Variants in RXFP1 observed in about 807,000 individuals in gnomAD.
RXFP1 encodes relaxin receptor 1.
A neutral mutation model predicts 89.8 loss-of-function variants in RXFP1; 73 were observed. The ratio of observed to expected loss-of-function variants is 0.81; its 90% confidence interval spans 0.67 to 0.99. RXFP1 has a LOEUF of 0.99. Among genes scored for constraint, RXFP1 ranks in the 50% least tolerant of loss-of-function variants. RXFP1 has a pLI of 0.00. For missense variants in RXFP1, 793 were observed against 895.5 expected (o/e 0.89, Z 1.46); for synonymous variants, 277 against 305.5 (o/e 0.91, Z 0.97).
chr4:158,629,174 C>T (rs1180883329), intron 11 of RXFP1, among the ~76,000 whole-genome samples: 1 of 151,972 alleles, frequency 6.6e-6, no homozygotes, highest in Non-Finnish European at 1.5e-5. Context: ...CCTCAGCCTC[C>T]TGAGTAGCTG....
chr4:158,522,039 G>A lies in RXFP1; in HGVS notation c.49+14G>A, dbSNP rs1275131231. 5 of 1,506,784 alleles carry A rather than the reference G, an allele frequency of 3.3e-6. No homozygotes were observed. The highest frequency in any genetic ancestry group is 3.7e-6 in the Non-Finnish European group (4 of 1,084,670). The allele number at this position is 1,506,784 out of a possible 1,614,324, so 93.3% of individuals were successfully genotyped here. A position where few individuals can be genotyped will look rare whatever the true frequency, so the allele number is the denominator to read the frequency against. On this transcript the variant is annotated intron_variant, in intron 1 of 17. Transcript: ENST00000307765. ...TTGGAAAATATTGTAAGTATGCTCA[G>A]TATCTAATTTTGTATACCTTAGTAT...
intron 12 of RXFP1, among the ~76,000 whole-genome samples, chr4:158,635,741 T>G (rs1402983554): frequency 6.6e-6 from 1 of 152,194 alleles, no homozygotes; most frequent in Non-Finnish European, 1.5e-5. Flanking sequence ...TCATTGTCAT[T>G]CTTTCTCTCT....
intron 1 of RXFP1, among the ~76,000 whole-genome samples, chr4:158,546,749 G>A (rs1235138882): frequency 6.6e-5 from 10 of 152,136 alleles, no homozygotes; most frequent in South Asian, 2.1e-4. Flanking sequence ...GCTGGATTAC[G>A]TTTATTGATT....
Position 158,599,363 on chromosome 4 carries a change from T to A in RXFP1, c.324T>A (p.Gly108=). The change falls in exon 4 of 18, where the codon GGT becomes GGA. Residue 108 remains glycine (G), a synonymous_variant. Transcript: ENST00000307765. The stretch of plus-strand genomic sequence containing the variant: ...TGCCAGTGCAATGTCTTTGCCAAGG[T>A]CTGGAGCTTGACTGTGATGAAACCA... ...GSVPVQCLCQ[G]LELDCDETNL... 6.2e-7 allele frequency: 1 copy of A among 1,613,968 alleles called. No homozygotes were observed. The highest frequency in any genetic ancestry group is 2.2e-5 in the East Asian group (1 of 44,868).
chr4:158,650,908 A>G (rs569989345), intron 17 of RXFP1, among the ~76,000 whole-genome samples: 28 of 152,314 alleles, frequency 1.8e-4, no homozygotes, highest in African/African-American at 5.1e-4. Context: ...CAGGAGATTG[A>G]AACCAACCTG....
At chr4:158,573,547 T>G (rs923947998) in intron 2 of RXFP1, among the ~76,000 whole-genome samples, 1 of 152,296 alleles carries the variant, frequency 6.6e-6, no homozygotes, top group Non-Finnish European at 1.5e-5. Flanking sequence ...GTATTTTATG[T>G]GTGGCCCAAG....
chr4:158,623,340 T>TAA (rs1484119778), intron 9 of RXFP1, among the ~76,000 whole-genome samples: 1,149 of 74,006 alleles, frequency 0.016, 16 homozygotes, highest in African/African-American at 0.087. Context: ...CTCTACTAAA[T>TAA]ACAAAAAAAA....
intron 2 of RXFP1, among the ~76,000 whole-genome samples, chr4:158,580,675 C>T (rs1239270406): frequency 2.0e-5 from 3 of 152,178 alleles, no homozygotes; most frequent in Non-Finnish European, 4.4e-5. Flanking sequence ...TTTGCCTTCC[C>T]TCCCCACTGC....
At chr4:158,562,332 G>A (rs1004200014) in intron 1 of RXFP1, among the ~76,000 whole-genome samples, 5 of 151,308 alleles carry the variant, frequency 3.3e-5, no homozygotes, top group East Asian at 3.9e-4. Context: ...AGACCATCCC[G>A]GCTAAAACGG....
chr4:158,602,759 AT>A (rs113309020), intron 4 of RXFP1, among the ~76,000 whole-genome samples: 55 of 147,804 alleles, frequency 3.7e-4, no homozygotes, highest in Middle Eastern at 3.5e-3. Flanking sequence ...TGAATGAACA[AT>A]TTTTTTTTTT....
At chr4:158,568,046 T>A (rs2149977019) in intron 1 of RXFP1, among the ~76,000 whole-genome samples, 1 of 152,088 alleles carries the variant, frequency 6.6e-6, no homozygotes, top group East Asian at 1.9e-4. Flanking sequence ...ACGAACCCAC[T>A]GGGAGGAATG....
rs551746604 is a variant in RXFP1 at position 158,540,221 on chromosome 4, G to T, written c.49+18196G>T. Among the ~76,000 whole-genome samples the T allele has an allele frequency of 2.6e-5, 4 of 152,202 alleles. No individual in the cohort carries two copies. In the East Asian group the frequency reaches 7.7e-4, roughly 29 times the overall value. On this transcript the variant is annotated intron_variant, in intron 1 of 17. Transcript: ENST00000307765. ...ATGGCTACTCCGTAGGCAGAGCAGC[G>T]GCATGGGCTGCTCAGCAGCTTATAC... is the stretch of plus-strand genomic sequence containing the variant.
chr4:158,606,093 A>G (rs1285828170), intron 5 of RXFP1, among the ~76,000 whole-genome samples: 2 of 152,240 alleles, frequency 1.3e-5, no homozygotes, highest in African/African-American at 4.8e-5. Flanking sequence ...CTGAACATTT[A>G]TCAGTCAAAA....
Position 158,648,646 on chromosome 4 carries a change from T to A in RXFP1, c.1904T>A (p.Phe635Tyr). 1 of 1,613,242 alleles carries A rather than the reference T, an allele frequency of 6.2e-7. No homozygotes were observed. The highest frequency in any genetic ancestry group is 1.1e-5 in the South Asian group (1 of 90,910). The change falls in exon 17 of 18, where the codon TTT becomes TAT. Residue 635 changes from phenylalanine (F) to tyrosine (Y), a missense_variant. Coordinates refer to ENST00000307765, the MANE Select transcript of RXFP1 (RefSeq NM_021634.4). ...GCCAAACGTTTTTTCTTTATAGTATTTACTGATGCATTATGCTGGATACCC... is the reference window on the plus strand; with the variant it reads ...GCCAAACGTTTTTTCTTTATAGTATATACTGATGCATTATGCTGGATACCC... ...ILAKRFFFIV[F>Y]TDALCWIPIF... is the part of the protein sequence containing the mutation.
At chr4:158,631,353 A>T (rs929360876) in intron 11 of RXFP1, among the ~76,000 whole-genome samples, 6 of 152,258 alleles carry the variant, frequency 3.9e-5, no homozygotes, top group Non-Finnish European at 8.8e-5. Context: ...AGATAGACTC[A>T]GTGTATTCAT....
chr4:158,565,762 AAATT>A (rs1753424792), intron 1 of RXFP1, among the ~76,000 whole-genome samples: 1 of 152,212 alleles, frequency 6.6e-6, no homozygotes, highest in Non-Finnish European at 1.5e-5. Flanking sequence ...GTAAATGAAT[AAATT>A]AACACTTTGA....
intron 1 of RXFP1, among the ~76,000 whole-genome samples, chr4:158,526,469 T>C (rs1433867126): frequency 2.0e-5 from 3 of 152,242 alleles, no homozygotes; most frequent in Non-Finnish European, 2.9e-5. Context: ...GACCCAACAC[T>C]AAACCAAAAG....
chr4:158,532,438 A>G (rs909043455), intron 1 of RXFP1, among the ~76,000 whole-genome samples: 2 of 152,116 alleles, frequency 1.3e-5, no homozygotes, highest in Admixed American at 1.3e-4. Context: ...ATAAAATACA[A>G]TCTCAATCAC....
At position 158,652,249 on chromosome 4, in the gene RXFP1, TTAG is replaced by T. The variant is rs1415409119; in HGVS notation, c.*198_*200del. ...TAATTATATCAATAATGTATATATATTAGTAGACATTTTGCATAAGAAATTAAG... is the reference window on the plus strand; with the variant it reads ...TAATTATATCAATAATGTATATATATTAGACATTTTGCATAAGAAATTAAG... On this transcript the variant is annotated 3_prime_UTR_variant, in exon 18 of 18. Coordinates refer to ENST00000307765, the MANE Select transcript of RXFP1 (RefSeq NM_021634.4). 1 of 494,190 alleles carries T rather than the reference TTAG, an allele frequency of 2.0e-6. No individual in the cohort carries two copies. Among genetic ancestry groups the T allele is most frequent in the Non-Finnish European group, 3.5e-6 (1 of 284,424 alleles). The allele number at this position is 494,190 out of a possible 1,614,324, so 30.6% of individuals were successfully genotyped here.
Sources: gnomAD v4.1 joint callset for allele counts (sites outside exome capture counted in the v4.1 genomes callset) on GRCh38, gnomAD v4.1.1 for gene constraint, MANE v1.5 for transcripts, NCBI Gene and HGNC (gene_info 2026-07-23, HGNC 2026-07-21) for gene names.